Variants in UBQLN1 observed in about 807,000 individuals in gnomAD.
UBQLN1 encodes ubiquilin 1, also known as ubiquilin-1.
In UBQLN1, 13 loss-of-function variants were observed where a neutral mutation model predicts 65.4. The observed-to-expected ratio is 0.20, with a 90% CI of 0.13 to 0.32. The LOEUF (loss-of-function observed/expected upper bound fraction) is 0.32. Ranked by LOEUF, UBQLN1 falls within the 10% of genes least tolerant of loss-of-function variation. UBQLN1 has a pLI of 1.00. For synonymous variants in UBQLN1, 267 were observed against 247.8 expected (o/e 1.08, Z -0.73); for missense variants, 561 against 724.0 (o/e 0.77, Z 2.58).
rs145856007 is a variant in UBQLN1 at position 83,669,284 on chromosome 9, T to C, written c.1149A>G (p.Gln383=). The change falls in exon 7 of 11, where the codon CAA becomes CAG. Residue 383 remains glutamine (Q), a synonymous_variant. Transcript: ENST00000376395. The stretch of plus-strand genomic sequence containing the variant: ...GCATCAGTTGTGGGTTTTCAGTTAT[T>C]TGTTGCAACAAGCTCTGCATTCCTG... ...NTPGMQSLLQ[Q]ITENPQLMQN... The C allele has an allele frequency of 6.2e-4, 1,004 of 1,612,130 alleles. 6 individuals carry two copies. Among genetic ancestry groups the C allele is most frequent in the South Asian group, 7.7e-4 (70 of 90,630 alleles).
intron 1 of UBQLN1, among the ~76,000 whole-genome samples, chr9:83,689,400 A>G (rs1427668485): frequency 1.3e-5 from 2 of 152,238 alleles, no homozygotes; most frequent in African/African-American, 2.4e-5. Context: ...CTGACAGACT[A>G]AATGGGCAAA....
intron 4 of UBQLN1, 123 bp from the exon 5 acceptor site, chr9:83,678,722 T>C: frequency 8.9e-7 from 1 of 1,123,204 alleles, no homozygotes; most frequent in Non-Finnish European, 1.3e-6. Context: ...TGTTTTGTTT[T>C]TTTAATTTTT....
intron 1 of UBQLN1, among the ~76,000 whole-genome samples, chr9:83,702,551 T>C (rs1451217875): frequency 1.3e-5 from 2 of 152,196 alleles, no homozygotes; most frequent in Non-Finnish European, 2.9e-5. Context: ...AAAAAAAGTT[T>C]TTAATAAAAG....
Position 83,679,995 on chromosome 9 carries a change from T to C in UBQLN1, c.491A>G (p.Asn164Ser), listed in dbSNP as rs973303074. 6 of 1,613,986 alleles carry C rather than the reference T, an allele frequency of 3.7e-6. No homozygotes were observed. Among genetic ancestry groups the C allele is most frequent in the Admixed American group, 3.3e-5 (2 of 59,990 alleles). Residue 164 changes from asparagine to serine, a missense_variant, in exon 4 of 11, where the codon AAT (asparagine) becomes AGT (serine). Physicochemically the swap from Asn to Ser is conservative, Grantham distance 46. Transcript: ENST00000376395. Reference protein sequence around the residue: ...GLAGLSSLGLNTTNFSELQSQ... With the variant: ...GLAGLSSLGLSTTNFSELQSQ... ...CTGTAGTTCAGAGAAGTTGGTAGTATTCAAACCCAAGCTACTCAGACCTGC... is the reference window on the plus strand; with the variant it reads ...CTGTAGTTCAGAGAAGTTGGTAGTACTCAAACCCAAGCTACTCAGACCTGC...
At chr9:83,691,702 G>C (rs926941692) in intron 1 of UBQLN1, among the ~76,000 whole-genome samples, 1 of 152,158 alleles carries the variant, frequency 6.6e-6, no homozygotes, top group Non-Finnish European at 1.5e-5. Context: ...AGTCCTGACA[G>C]ACACGTGAGA....
chr9:83,700,668 C>T (rs1832295266), intron 1 of UBQLN1, among the ~76,000 whole-genome samples: 1 of 152,142 alleles, frequency 6.6e-6, no homozygotes, highest in African/African-American at 2.4e-5. Context: ...AAGGAATGGG[C>T]AAAGAGTGTT....
At chr9:83,689,789 A>C (rs112377239) in intron 1 of UBQLN1, among the ~76,000 whole-genome samples, 7 of 152,354 alleles carry the variant, frequency 4.6e-5, no homozygotes, top group African/African-American at 1.7e-4. Context: ...CACAACCAGC[A>C]CAGCTCAAAT....
intron 8 of UBQLN1, among the ~76,000 whole-genome samples, chr9:83,666,035 C>T (rs1267648890): frequency 1.3e-5 from 2 of 152,174 alleles, no homozygotes; most frequent in Non-Finnish European, 2.9e-5. Context: ...TAACATGACA[C>T]AAGGAAGCAC....
At chr9:83,685,608 T>C (rs1001821426) in intron 2 of UBQLN1, among the ~76,000 whole-genome samples, 2 of 144,062 alleles carry the variant, frequency 1.4e-5, no homozygotes, top group Non-Finnish European at 3.0e-5. Flanking sequence ...GGCATGACTC[T>C]GTCTCTTAAA....
intron 1 of UBQLN1, among the ~76,000 whole-genome samples, chr9:83,696,052 G>C (rs1832209778): frequency 1.3e-5 from 2 of 152,028 alleles, no homozygotes; most frequent in African/African-American, 4.8e-5. Flanking sequence ...CGATTCTCCT[G>C]CCTCAGCCTC....
rs1460642884 is a variant in UBQLN1 at position 83,672,669 on chromosome 9, C to T, written c.1106-3342G>A. 2.0e-5 allele frequency among the ~76,000 whole-genome samples: 3 copies of T among 152,120 alleles called. No individual in the cohort carries two copies. The South Asian group carries it at 6.2e-4, about 32-fold the overall frequency. ...ATCACTGATTACAGAATCACCACAA[C>T]AGAATAATGAAAAAGCCTGAAATAT... On this transcript the variant is annotated intron_variant, in intron 6 of 10. Coordinates refer to ENST00000376395, the MANE Select transcript of UBQLN1 (RefSeq NM_013438.5).
At chr9:83,671,930 G>A (rs1170242074) in intron 6 of UBQLN1, among the ~76,000 whole-genome samples, 2 of 152,158 alleles carry the variant, frequency 1.3e-5, no homozygotes, top group African/African-American at 4.8e-5. Context: ...GTTTCATGTG[G>A]CCACGTTCCT....
At position 83,668,441 on chromosome 9, in the gene UBQLN1, G is replaced by A. The variant is rs972795045; in HGVS notation, c.1248+744C>T. The A allele has an allele frequency of 5.1e-6, 5 of 985,198 alleles. No homozygotes were observed. In the African/African-American group the frequency reaches 8.7e-5, roughly 17 times the overall value. The allele number at this position is 985,198 out of a possible 1,614,324, so 61.0% of individuals were successfully genotyped here. A position where few individuals can be genotyped will look rare whatever the true frequency, so the allele number is the denominator to read the frequency against. ...TCAAGGTTTATTTCACATTCTCCGTGGTTTTTCAAGCCCTGTGGTATGGAA... is the reference window on the plus strand; with the variant it reads ...TCAAGGTTTATTTCACATTCTCCGTAGTTTTTCAAGCCCTGTGGTATGGAA... On this transcript the variant is annotated intron_variant, in intron 7 of 10. Transcript: ENST00000376395.
At position 83,665,117 on chromosome 9, in the gene UBQLN1, A is replaced by G. The variant is rs1449164410; in HGVS notation, c.1361T>C (p.Met454Thr). ...QMQNPDTLSA[M>T]SNPRAMQALL... ...GGCCTGCATTGCTCTAGGGTTTGACATTGCTGATAGTGTATCAGGATTCTG... is the reference window on the plus strand; with the variant it reads ...GGCCTGCATTGCTCTAGGGTTTGACGTTGCTGATAGTGTATCAGGATTCTG... The change falls in exon 9 of 11, where the codon ATG becomes ACG. Residue 454 changes from methionine to threonine, a missense_variant. Physicochemically the swap from Met to Thr is moderately conservative, Grantham distance 81 (BLOSUM62 -1). Coordinates refer to ENST00000376395, the MANE Select transcript of UBQLN1 (RefSeq NM_013438.5). 3 of 1,613,516 alleles carry G rather than the reference A, an allele frequency of 1.9e-6. No individual in the cohort carries two copies. The African/African-American group carries it at 4.0e-5, about 22-fold the overall frequency.
rs1831539150 is a variant in UBQLN1 at position 83,660,025 on chromosome 9, G to A, written c.*1762C>T. On this transcript the variant is annotated 3_prime_UTR_variant, in exon 11 of 11. Coordinates refer to ENST00000376395, the MANE Select transcript of UBQLN1 (RefSeq NM_013438.5). The stretch of plus-strand genomic sequence containing the variant: ...ATTAATAAATTGTCAAATTAGTTAT[G>A]ACACTATCCCACACTGAATACCACC... The A allele has an allele frequency of 6.6e-6, 1 of 152,168 alleles. No homozygotes were observed. The highest frequency in any genetic ancestry group is 2.4e-5 in the African/African-American group (1 of 41,432). 9.4% of individuals were successfully genotyped at this position (152,168 alleles called of 1,614,324 possible).
At chr9:83,676,922 G>A (rs1336724675) in intron 6 of UBQLN1, among the ~76,000 whole-genome samples, 1 of 152,218 alleles carries the variant, frequency 6.6e-6, no homozygotes, top group East Asian at 1.9e-4. Flanking sequence ...CTGAAAGGAA[G>A]ACATCTGAGT....
chr9:83,694,150 G>A (rs954443699), intron 1 of UBQLN1, among the ~76,000 whole-genome samples: 8 of 152,062 alleles, frequency 5.3e-5, no homozygotes, highest in African/African-American at 1.9e-4. Context: ...AAACATCCGG[G>A]GAGTTGGGAA....
intron 3 of UBQLN1, among the ~76,000 whole-genome samples, chr9:83,680,658 C>T (rs1831924492): frequency 6.6e-6 from 1 of 152,212 alleles, no homozygotes; most frequent in Non-Finnish European, 1.5e-5. Flanking sequence ...CATACCCATA[C>T]CTTGTGCCCT....
At chr9:83,697,733 C>CTTTTTTTTTTTTTT (rs35319221) in intron 1 of UBQLN1, among the ~76,000 whole-genome samples, 1 of 98,352 alleles carries the variant, frequency 1.0e-5, no homozygotes, top group African/African-American at 4.2e-5. Context: ...TTTTTGTACC[C>CTTTTTTTTTTTTTT]TTTTTTTTTT....
Sources: gnomAD v4.1 joint callset for allele counts (sites outside exome capture counted in the v4.1 genomes callset) on GRCh38, gnomAD v4.1.1 for gene constraint, MANE v1.5 for transcripts, NCBI Gene and HGNC (gene_info 2026-07-23, HGNC 2026-07-21) for gene names.